The following SORCS2 variants were observed in gnomAD, a reference collection of about 807,000 sequenced individuals.
The protein encoded by SORCS2 is VPS10 domain-containing receptor SorCS2.
In SORCS2, 100 loss-of-function variants were observed where a neutral mutation model predicts 141.6. The observed-to-expected ratio is 0.71, with a 90% CI of 0.60 to 0.83. The LOEUF (loss-of-function observed/expected upper bound fraction) is 0.83, where lower values mean the gene tolerates loss of function less well. SORCS2 is among the 40% of genes least tolerant of loss of function. The pLI, the probability that SORCS2 is intolerant of heterozygous loss-of-function variation, is 0.00. For synonymous variants in SORCS2, 789 were observed against 676.9 expected (o/e 1.17, Z -2.57); for missense variants, 1,646 against 1,560.2 (o/e 1.05, Z -0.93).
chr4:7,284,873 G>A (rs1256399885), intron 1 of SORCS2, among the ~76,000 whole-genome samples: 2 of 152,078 alleles, frequency 1.3e-5, no homozygotes, highest in African/African-American at 4.8e-5. Context: ...GGCCTCTTCT[G>A]GTTTCTGGTG....
At chr4:7,350,589 C>T (rs1263572737) in intron 1 of SORCS2, among the ~76,000 whole-genome samples, 1 of 152,202 alleles carries the variant, frequency 6.6e-6, no homozygotes, top group African/African-American at 2.4e-5. Context: ...GATTGGCAGG[C>T]ATGACCCTGA....
chr4:7,739,331 AC>A (rs1339794492), intron 26 of SORCS2, among the ~76,000 whole-genome samples: 1 of 151,426 alleles, frequency 6.6e-6, no homozygotes, highest in East Asian at 2.0e-4. Context: ...AGGCGGCATC[AC>A]CCCCATGCTC....
At chr4:7,307,230 C>T (rs1485736769) in intron 1 of SORCS2, among the ~76,000 whole-genome samples, 1 of 152,238 alleles carries the variant, frequency 6.6e-6, no homozygotes, top group Non-Finnish European at 1.5e-5. Flanking sequence ...AAAGGCACTG[C>T]TGTGCCCGGG....
At chr4:7,237,159 A>C (rs550528824) in intron 1 of SORCS2, among the ~76,000 whole-genome samples, 16 of 152,380 alleles carry the variant, frequency 1.1e-4, no homozygotes, top group Non-Finnish European at 5.9e-5. Context: ...TCTGACAAGC[A>C]GCAGATAACA....
In SORCS2 at chr4:7,587,756, G is replaced by T. The variant is rs535643744; in HGVS notation, c.649-50572G>T. The stretch of plus-strand genomic sequence containing the variant: ...TTTAAATATGTAAACTGGCCCGTCA[G>T]GGACTGTTTGCCCCCTCTTTCCAGC... On this transcript the variant is annotated intron_variant, in intron 3 of 26. Transcript: ENST00000507866. Among the ~76,000 whole-genome samples, 21 of 152,318 alleles carry T rather than the reference G, an allele frequency of 1.4e-4. No individual in the cohort carries two copies. The South Asian group carries it at 4.4e-3, about 32-fold the overall frequency.
chr4:7,385,085 T>G (rs980012856), intron 1 of SORCS2, among the ~76,000 whole-genome samples: 15 of 151,854 alleles, frequency 9.9e-5, no homozygotes, highest in Admixed American at 2.0e-4. Context: ...GGGGCCAGGG[T>G]GGGTGGCACT....
chr4:7,706,966 G>A lies in SORCS2; in HGVS notation c.1868+2682G>A, dbSNP rs549958410. Among the ~76,000 whole-genome samples, 7 of 152,134 alleles carry A rather than the reference G, an allele frequency of 4.6e-5. No individual in the cohort carries two copies. In the South Asian group the frequency reaches 8.3e-4, roughly 18 times the overall value. On this transcript the variant is annotated intron_variant, in intron 14 of 26. Coordinates refer to ENST00000507866, the MANE Select transcript of SORCS2 (RefSeq NM_020777.3). Reference sequence around the variant, plus strand: ...CCTGCTGCTTTCCTGCTCACCACCCGTCACCCCCACCCACCCTCAACCAGC... The same window carrying A: ...CCTGCTGCTTTCCTGCTCACCACCCATCACCCCCACCCACCCTCAACCAGC...
intron 3 of SORCS2, among the ~76,000 whole-genome samples, chr4:7,570,773 G>C (rs746830777): frequency 2.0e-5 from 3 of 152,220 alleles, no homozygotes; most frequent in African/African-American, 7.2e-5. Flanking sequence ...CTCATCCAGA[G>C]GGGAGGGTTT....
chr4:7,584,851 T>C (rs575189779), intron 3 of SORCS2, among the ~76,000 whole-genome samples: 27 of 152,236 alleles, frequency 1.8e-4, no homozygotes, highest in Middle Eastern at 3.2e-3. Flanking sequence ...AGAATATCGA[T>C]GTCATTAGCC....
At chr4:7,542,753 C>T (rs1025419724) in intron 3 of SORCS2, among the ~76,000 whole-genome samples, 5 of 152,220 alleles carry the variant, frequency 3.3e-5, no homozygotes, top group Admixed American at 1.3e-4. Context: ...CAATGATCAG[C>T]GATGTGGTTG....
At chr4:7,604,145 C>T (rs1173674994) in intron 3 of SORCS2, among the ~76,000 whole-genome samples, 1 of 152,076 alleles carries the variant, frequency 6.6e-6, no homozygotes, top group East Asian at 1.9e-4. Flanking sequence ...TCTCTGGCCA[C>T]AGGGTGGCTT....
chr4:7,396,459 T>A, intron 2 of SORCS2, 104 bp downstream of exon 2: 1 of 1,168,504 alleles, frequency 8.6e-7, no homozygotes, highest in Non-Finnish European at 1.2e-6. Flanking sequence ...TGGCAGCCCC[T>A]GTGAGTCAGT....
At chr4:7,317,489 C>T (rs1329361173) in intron 1 of SORCS2, among the ~76,000 whole-genome samples, 1 of 152,222 alleles carries the variant, frequency 6.6e-6, no homozygotes, top group Non-Finnish European at 1.5e-5. Context: ...GCGGGCCTGC[C>T]ACCGCCCTGT....
At chr4:7,492,000 G>A (rs1273510354) in intron 2 of SORCS2, among the ~76,000 whole-genome samples, 1 of 152,224 alleles carries the variant, frequency 6.6e-6, no homozygotes, top group Non-Finnish European at 1.5e-5. Flanking sequence ...GCTGGGCAGG[G>A]CAGGGGCTAG....
intron 3 of SORCS2, among the ~76,000 whole-genome samples, chr4:7,548,454 G>A (rs746179494): frequency 1.2e-4 from 19 of 152,278 alleles, no homozygotes; most frequent in South Asian, 4.2e-4. Flanking sequence ...CTAAGTGCCC[G>A]CTGGAAGCTG....
chr4:7,725,227 G>C lies in SORCS2; in HGVS notation c.2685G>C (p.Val895=). 5.6e-6 allele frequency: 9 copies of C among 1,613,622 alleles called. No individual in the cohort carries two copies. Among genetic ancestry groups the C allele is most frequent in the Non-Finnish European group, 6.8e-6 (8 of 1,179,670 alleles). Residue 895 remains valine, a synonymous_variant, in exon 20 of 27, where the codon GTG becomes GTC. Coordinates refer to ENST00000507866, the MANE Select transcript of SORCS2 (RefSeq NM_020777.3). ...GLNQEVNLTA[V]LLPLNPNLTV... is the part of the protein sequence containing the mutation. ...ACCAGGAGGTGAACCTCACAGCTGT[G>C]CTGCTTCCCTTGAACCCTAACCTCA...
chr4:7,322,375 C>G (rs1718951842), intron 1 of SORCS2, among the ~76,000 whole-genome samples: 2 of 152,210 alleles, frequency 1.3e-5, no homozygotes, highest in Admixed American at 6.5e-5. Context: ...CTATCTGCCT[C>G]CTGGCCCAGC....
At chr4:7,348,015 C>T (rs1037016653) in intron 1 of SORCS2, among the ~76,000 whole-genome samples, 1 of 152,218 alleles carries the variant, frequency 6.6e-6, no homozygotes, top group Non-Finnish European at 1.5e-5. Flanking sequence ...CAGGCAACCA[C>T]AATTTTGATG....
Position 7,681,087 on chromosome 4 carries a change from A to T in SORCS2, c.1342-1656A>T, listed in dbSNP as rs371492786. Among the ~76,000 whole-genome samples the T allele has an allele frequency of 2.1e-4, 32 of 152,272 alleles. No homozygotes were observed. The South Asian group carries it at 6.6e-3, about 32-fold the overall frequency. Reference sequence around the variant, plus strand: ...GAATGAATGCTGTAATGAGATGAGAACTTTGGAAACCTTGATGGGGTGAAT... The same window carrying T: ...GAATGAATGCTGTAATGAGATGAGATCTTTGGAAACCTTGATGGGGTGAAT... On this transcript the variant is annotated intron_variant, in intron 9 of 26. Coordinates refer to ENST00000507866, the MANE Select transcript of SORCS2 (RefSeq NM_020777.3).
Sources: gnomAD v4.1 joint callset for allele counts (sites outside exome capture counted in the v4.1 genomes callset) on GRCh38, gnomAD v4.1.1 for gene constraint, MANE v1.5 for transcripts, NCBI Gene and HGNC (gene_info 2026-07-23, HGNC 2026-07-21) for gene names.